The following GRIP1 variants were observed in gnomAD, a reference collection of about 807,000 sequenced individuals.
The protein encoded by GRIP1 is glutamate receptor interacting protein 1, also known as glutamate receptor-interacting protein 1.
Under a neutral mutation model 129.9 loss-of-function variants are expected in GRIP1, and 45 were observed. The ratio of observed to expected loss-of-function variants is 0.35; its 90% CI spans 0.27 to 0.44. The LOEUF (loss-of-function observed/expected upper bound fraction) is 0.44. Ranked by LOEUF, GRIP1 falls within the 20% of genes least tolerant of loss-of-function variation. GRIP1 has a pLI of 1.00. For missense variants in GRIP1, 1,196 were observed against 1,396.8 expected, an observed-to-expected ratio of 0.86 and a Z score of 2.29; for synonymous variants, 530 against 520.8, an observed-to-expected ratio of 1.02 and a Z score of -0.24.
At chr12:66,916,414 G>A (rs2041123050) in intron 1 of GRIP1, among the ~76,000 whole-genome samples, 1 of 152,088 alleles carries the variant, frequency 6.6e-6, no homozygotes. Context: ...ATCAGGTTTA[G>A]GCATGTAGAA....
intron 2 of GRIP1, among the ~76,000 whole-genome samples, chr12:66,548,926 T>C (rs2062034881): frequency 6.6e-6 from 1 of 152,166 alleles, no homozygotes; most frequent in Non-Finnish European, 1.5e-5. Flanking sequence ...ACCACATGGC[T>C]GTAGCGTAAA....
At position 66,363,185 on chromosome 12, in the gene GRIP1, ATGTG is replaced by A. The variant is rs59061250; in HGVS notation, c.3012+8505_3012+8508del. Among the ~76,000 whole-genome samples, 22 of 62,330 alleles carry A rather than the reference ATGTG, an allele frequency of 3.5e-4. 1 individual carries two copies. Among genetic ancestry groups the A allele is most frequent in the African/African-American group, 7.8e-4 (14 of 18,002 alleles). 40.9% of individuals were successfully genotyped at this position (62,330 alleles called of 152,430 possible). ...TATATACACACACATATATGTATAT[ATGTG>A]TGTGTGTGTCCATATATATATATAT... On this transcript the variant is annotated intron_variant, in intron 23 of 24. Coordinates refer to ENST00000359742, the MANE Select transcript of GRIP1 (RefSeq NM_001366722.1).
At chr12:66,565,700 A>G (rs1412385897) in intron 2 of GRIP1, among the ~76,000 whole-genome samples, 5 of 152,160 alleles carry the variant, frequency 3.3e-5, no homozygotes, top group Non-Finnish European at 7.3e-5. Flanking sequence ...CATTGAATCT[A>G]TAAGTTACCT....
rs537907227 is a variant in GRIP1, at chr12:66,478,266, C to A, written c.725-12844G>T. ...AGAAGACATTTATGCAGCCAACAGA[C>A]ACATGAAAAAATGCTCATCATCACT... On this transcript the variant is annotated intron_variant, in intron 7 of 24. Coordinates refer to ENST00000359742, the MANE Select transcript of GRIP1 (RefSeq NM_001366722.1). 4.1e-4 allele frequency among the ~76,000 whole-genome samples: 63 copies of A among 152,270 alleles called. 2 individuals carry two copies. In the South Asian group the frequency reaches 0.013, roughly 31 times the overall value.
chr12:66,930,056 T>TCTCTC (rs1555253100), intron 1 of GRIP1, among the ~76,000 whole-genome samples: 4 of 55,598 alleles, frequency 7.2e-5, no homozygotes, highest in African/African-American at 1.7e-4. Context: ...TCTCTCTCTC[T>TCTCTC]TTTTTTTTTT....
intron 1 of GRIP1, among the ~76,000 whole-genome samples, chr12:66,835,859 AC>A (rs1369920192): frequency 6.6e-6 from 1 of 152,250 alleles, no homozygotes; most frequent in East Asian, 1.9e-4. Context: ...AATGGACAAC[AC>A]CAAGGGTGAA....
intron 2 of GRIP1, among the ~76,000 whole-genome samples, chr12:66,547,091 G>T (rs1385475055): frequency 6.6e-6 from 1 of 152,008 alleles, no homozygotes; most frequent in East Asian, 1.9e-4. Context: ...AATCTAATTA[G>T]AAAATGGGAA....
At chr12:66,404,662 C>A (rs969345534) in intron 16 of GRIP1, among the ~76,000 whole-genome samples, 2 of 152,054 alleles carry the variant, frequency 1.3e-5, no homozygotes, top group African/African-American at 4.8e-5. Context: ...TCTTATATAA[C>A]CTATGAAATA....
chr12:66,522,439 C>G (rs966892259), intron 5 of GRIP1, among the ~76,000 whole-genome samples: 5 of 152,192 alleles, frequency 3.3e-5, no homozygotes, highest in Non-Finnish European at 7.3e-5. Context: ...TGGAGCGGAC[C>G]TCTAGCAAAC....
chr12:66,819,092 C>T (rs1436806981), intron 1 of GRIP1, among the ~76,000 whole-genome samples: 1 of 152,140 alleles, frequency 6.6e-6, no homozygotes, highest in African/African-American at 2.4e-5. Flanking sequence ...TCCCAGTATT[C>T]CCAAATGGAC....
intron 7 of GRIP1, among the ~76,000 whole-genome samples, chr12:66,498,410 T>G (rs1424317834): frequency 6.6e-6 from 1 of 152,222 alleles, no homozygotes; most frequent in African/African-American, 2.4e-5. Context: ...GTGTTAAAGC[T>G]GCTCTGGTTA....
intron 1 of GRIP1, among the ~76,000 whole-genome samples, chr12:66,759,860 T>A (rs1274091572): frequency 5.7e-5 from 2 of 35,308 alleles, no homozygotes; most frequent in East Asian, 3.2e-3. Context: ...CTATCAACAT[T>A]TTTTTTTTTT....
chr12:66,807,407 C>T (rs559580320), upstream of GRIP1, among the ~76,000 whole-genome samples: 12 of 152,174 alleles, frequency 7.9e-5, no homozygotes, highest in East Asian at 2.3e-3. Flanking sequence ...GGCGCGGTGG[C>T]TCACGCCTGT....
intron 1 of GRIP1, among the ~76,000 whole-genome samples, chr12:66,632,156 A>C (rs2030862869): frequency 6.6e-6 from 1 of 152,198 alleles, no homozygotes; most frequent in South Asian, 2.1e-4. Context: ...TAAGAAATGC[A>C]TCACCAAACC....
chr12:66,624,074 T>C (rs2065385424), intron 1 of GRIP1, among the ~76,000 whole-genome samples: 1 of 152,168 alleles, frequency 6.6e-6, no homozygotes, highest in Non-Finnish European at 1.5e-5. Flanking sequence ...TGCTAGATGA[T>C]GGAAATACAA....
chr12:66,638,015 G>T (rs1265962165), intron 1 of GRIP1, among the ~76,000 whole-genome samples: 1 of 152,174 alleles, frequency 6.6e-6, no homozygotes, highest in African/African-American at 2.4e-5. Flanking sequence ...TACGCTGTCA[G>T]CCAAGACTCC....
intron 1 of GRIP1, among the ~76,000 whole-genome samples, chr12:66,945,182 T>A (rs2041647879): frequency 6.6e-6 from 1 of 152,184 alleles, no homozygotes; most frequent in South Asian, 2.1e-4. Context: ...AACTTTTATG[T>A]TAGGTTCAGG....
At chr12:66,794,836 G>T (rs866032021) in intron 1 of GRIP1, among the ~76,000 whole-genome samples, 7 of 152,136 alleles carry the variant, frequency 4.6e-5, no homozygotes, top group Non-Finnish European at 1.0e-4. Context: ...AAAGAGAGAG[G>T]TGTTTGTTCC....
intron 1 of GRIP1, among the ~76,000 whole-genome samples, chr12:67,026,337 C>A (rs769216914): frequency 2.7e-4 from 41 of 152,256 alleles, no homozygotes; most frequent in African/African-American, 8.7e-4. Context: ...ACATTTTCAG[C>A]CTTTTGTTGG....
Sources: allele counts gnomAD v4.1 joint callset (sites outside exome capture counted in the v4.1 genomes callset), GRCh38; gene constraint gnomAD v4.1.1; transcripts MANE v1.5; gene names NCBI Gene and HGNC (gene_info 2026-07-23, HGNC 2026-07-21).